DLC1: variants seen among roughly 807,000 people sequenced by gnomAD.
The protein encoded by DLC1 is rho GTPase-activating protein 7.
Under a neutral mutation model 140.3 loss-of-function variants are expected in DLC1, and 54 were observed. The ratio of observed to expected loss-of-function variants is 0.38; its 90% CI spans 0.31 to 0.48. The LOEUF is 0.48. Ranked by LOEUF, DLC1 falls within the 20% of genes least tolerant of loss-of-function variation. DLC1 has a pLI of 0.96. For synonymous variants in DLC1, 986 were observed against 728.1 expected (o/e 1.35, Z -5.70); for missense variants, 2,536 against 1,907.0 (o/e 1.33, Z -6.14).
intron 2 of DLC1, among the ~76,000 whole-genome samples, chr8:13,456,595 A>G (rs1197811289): frequency 1.3e-5 from 2 of 152,096 alleles, no homozygotes; most frequent in East Asian, 3.9e-4. Flanking sequence ...AGTAGCTGGG[A>G]TTATAGGCTT....
intron 5 of DLC1, among the ~76,000 whole-genome samples, chr8:13,136,556 G>C (rs957243562): frequency 1.3e-5 from 2 of 152,216 alleles, no homozygotes; most frequent in African/African-American, 4.8e-5. Context: ...TGCCGAGGCT[G>C]CAGCACAGTG....
chr8:13,598,737 A>T (rs904525211), intron 1 of DLC1, among the ~76,000 whole-genome samples: 1 of 151,984 alleles, frequency 6.6e-6, no homozygotes, highest in African/African-American at 2.4e-5. Flanking sequence ...TAATTAATCA[A>T]TTTATGCATT....
intron 5 of DLC1, among the ~76,000 whole-genome samples, chr8:13,232,980 A>G (rs1183077728): frequency 6.6e-6 from 1 of 152,210 alleles, no homozygotes; most frequent in Non-Finnish European, 1.5e-5. Flanking sequence ...AACAAAAGGA[A>G]TCATTAAAAA....
At chr8:13,093,351 C>T (rs537461748) in intron 12 of DLC1, among the ~76,000 whole-genome samples, 1 of 151,966 alleles carries the variant, frequency 6.6e-6, no homozygotes, top group South Asian at 2.1e-4. Context: ...GGAAAAGCTG[C>T]TAAAATATTC....
At position 13,566,880 on chromosome 8, in the gene DLC1, C is replaced by G. The variant is rs114054581; in HGVS notation, c.-126+37657G>C. ...AAGGCGTCTCCCGGAAGACGACCTC[C>G]GCAGAGCTGATGGCATTGAGATCCA... On this transcript the variant is annotated intron_variant, in intron 1 of 1. Coordinates refer to the DLC1 transcript ENST00000631382. The G allele has an allele frequency of 7.4e-3, 10,094 of 1,367,230 alleles. 552 individuals are homozygous for G. In the African/African-American group the frequency reaches 0.13, roughly 17 times the overall value. The allele number at this position is 1,367,230 out of a possible 1,614,324, so 84.7% of individuals were successfully genotyped here. A position where few individuals can be genotyped will look rare whatever the true frequency, so the allele number is the denominator to read the frequency against.
intron 5 of DLC1, among the ~76,000 whole-genome samples, chr8:13,131,852 G>A (rs1214764063): frequency 2.6e-5 from 4 of 152,216 alleles, no homozygotes; most frequent in Non-Finnish European, 5.9e-5. Context: ...GCCTGACCCC[G>A]TGTCCCCTCT....
At chr8:13,563,130 A>C (rs192141092) in intron 1 of DLC1, among the ~76,000 whole-genome samples, 20 of 152,290 alleles carry the variant, frequency 1.3e-4, no homozygotes, top group African/African-American at 4.8e-4. Context: ...CATTTATAAA[A>C]ATTATTTGTA....
intron 5 of DLC1, among the ~76,000 whole-genome samples, chr8:13,227,000 G>A (rs572980271): frequency 1.3e-5 from 2 of 152,134 alleles, no homozygotes; most frequent in South Asian, 4.2e-4. Flanking sequence ...AAAAAACTGG[G>A]CACAAATGAG....
intron 5 of DLC1, among the ~76,000 whole-genome samples, chr8:13,270,035 C>T (rs944882456): frequency 9.0e-5 from 13 of 144,680 alleles, no homozygotes; most frequent in African/African-American, 2.3e-4. Flanking sequence ...CCAGCCTGGG[C>T]GACAGAGAGA....
chr8:13,209,332 A>G (rs2410039), intron 5 of DLC1, among the ~76,000 whole-genome samples: 5,266 of 152,232 alleles, frequency 0.035, 305 homozygotes, highest in African/African-American at 0.12. Flanking sequence ...AATTTTCACT[A>G]TATAAACATA....
intron 4 of DLC1, among the ~76,000 whole-genome samples, chr8:13,331,266 T>A (rs773419722): frequency 6.6e-6 from 1 of 152,204 alleles, no homozygotes; most frequent in Admixed American, 6.5e-5. Flanking sequence ...AAAATAATGA[T>A]TGATAGGAGT....
intron 2 of DLC1, among the ~76,000 whole-genome samples, chr8:13,432,078 T>A (rs1389036542): frequency 6.6e-6 from 1 of 152,212 alleles, no homozygotes; most frequent in African/African-American, 2.4e-5. Context: ...TGGAAAGTAT[T>A]CTTTGGTTGA....
chr8:13,354,229 G>A (rs538533666), intron 4 of DLC1, among the ~76,000 whole-genome samples: 11 of 151,982 alleles, frequency 7.2e-5, no homozygotes, highest in Non-Finnish European at 1.3e-4. Context: ...CTTTTTCTAG[G>A]AAGCCTTTCA....
intron 4 of DLC1, among the ~76,000 whole-genome samples, chr8:13,367,329 C>G (rs1195978961): frequency 1.3e-5 from 2 of 152,132 alleles, no homozygotes; most frequent in Non-Finnish European, 2.9e-5. Flanking sequence ...AAACCTAACA[C>G]AGAGAACTGC....
chr8:13,247,492 T>C (rs971386734), intron 5 of DLC1, among the ~76,000 whole-genome samples: 2 of 152,150 alleles, frequency 1.3e-5, no homozygotes, highest in Admixed American at 6.5e-5. Context: ...AACAACCTCA[T>C]GAGACAGATG....
chr8:13,133,178 G>C (rs1260792245), intron 5 of DLC1: 6 of 1,433,698 alleles, frequency 4.2e-6, no homozygotes, highest in Non-Finnish European at 5.5e-6. Flanking sequence ...AAACGAGGGA[G>C]CGCTCAGGGA....
intron 4 of DLC1, among the ~76,000 whole-genome samples, chr8:13,317,259 G>A (rs1187986243): frequency 2.6e-5 from 4 of 152,190 alleles, no homozygotes; most frequent in Non-Finnish European, 5.9e-5. Flanking sequence ...ACATAGATGG[G>A]AGGATAATTA....
chr8:13,118,436 T>G (rs1421735726), intron 5 of DLC1, among the ~76,000 whole-genome samples: 6 of 152,256 alleles, frequency 3.9e-5, no homozygotes, highest in Admixed American at 1.3e-4. Context: ...ACAATTTGTC[T>G]TTCCTTTTGA....
At chr8:13,105,062 G>C (rs1471999135) in intron 7 of DLC1, among the ~76,000 whole-genome samples, 1 of 152,108 alleles carries the variant, frequency 6.6e-6, no homozygotes, top group Non-Finnish European at 1.5e-5. Context: ...CTTCATTTGG[G>C]CTTTAATGGT....
Sources: allele counts gnomAD v4.1 joint callset (sites outside exome capture counted in the v4.1 genomes callset), GRCh38; gene constraint gnomAD v4.1.1; transcripts MANE v1.5; gene names NCBI Gene and HGNC (gene_info 2026-07-23, HGNC 2026-07-21).